The following COG5 variants were observed in gnomAD, a reference collection of about 807,000 sequenced individuals.
COG5 encodes conserved oligomeric Golgi complex subunit 5.
COG5 carries 86 observed loss-of-function variants against 110.4 expected under a neutral mutation model. The observed-to-expected ratio is 0.78, with a 90% confidence interval of 0.65 to 0.93. The LOEUF (loss-of-function observed/expected upper bound fraction) is 0.93. Among genes scored for constraint, COG5 ranks in the 40% least tolerant of loss-of-function variants. COG5 has a pLI of 0.00. For synonymous variants in COG5, 360 were observed against 334.6 expected, an observed-to-expected ratio of 1.08 and a Z score of -0.83; for missense variants, 1,077 against 987.0, an observed-to-expected ratio of 1.09 and a Z score of -1.22.
At chr7:107,342,368 C>CAAAA (rs796981383) in intron 10 of COG5, among the ~76,000 whole-genome samples, 1 of 97,774 alleles carries the variant, frequency 1.0e-5, no homozygotes, top group Non-Finnish European at 2.1e-5. Flanking sequence ...ACAAACAAAC[C>CAAAA]AAAAAAAAAA....
intron 10 of COG5, among the ~76,000 whole-genome samples, chr7:107,329,050 T>C (rs1243435081): frequency 1.3e-5 from 2 of 152,192 alleles, no homozygotes; most frequent in South Asian, 2.1e-4. Flanking sequence ...CTTTCCAGCT[T>C]GCCAACTACA....
At chr7:107,530,601 CAAAAAAAAAAAAA>C (rs953588412) in intron 5 of COG5, among the ~76,000 whole-genome samples, 3 of 47,768 alleles carry the variant, frequency 6.3e-5, no homozygotes, top group East Asian at 1.2e-3. Context: ...AACTCCATCT[CAAAAAAAAAAAAA>C]AAAAAAAAAA....
At chr7:107,482,841 AT>A (rs1797431552) in intron 6 of COG5, among the ~76,000 whole-genome samples, 1 of 152,188 alleles carries the variant, frequency 6.6e-6, no homozygotes, top group South Asian at 2.1e-4. Flanking sequence ...TACTCAATTA[AT>A]TATAAAATTG....
intron 5 of COG5, among the ~76,000 whole-genome samples, chr7:107,539,099 G>C (rs1035053058): frequency 6.6e-6 from 1 of 151,990 alleles, no homozygotes; most frequent in African/African-American, 2.4e-5. Flanking sequence ...GCAACATAGT[G>C]AGAGACACTG....
intron 6 of COG5, among the ~76,000 whole-genome samples, chr7:107,483,348 C>A (rs1261045480): frequency 6.6e-6 from 1 of 152,056 alleles, no homozygotes; most frequent in East Asian, 1.9e-4. Flanking sequence ...ATGAAACTAA[C>A]CTATCACAAC....
intron 21 of COG5, 108 bp downstream of exon 21, chr7:107,210,418 G>GCAGT (rs1193680699): frequency 8.6e-6 from 13 of 1,513,892 alleles, no homozygotes; most frequent in Non-Finnish European, 1.2e-5. Flanking sequence ...ACTGGAAGGT[G>GCAGT]CAGTCACATG....
chr7:107,213,546 C>T (rs1799319063), intron 19 of COG5, among the ~76,000 whole-genome samples: 1 of 152,162 alleles, frequency 6.6e-6, no homozygotes, highest in African/African-American at 2.4e-5. Context: ...GTGACGCTGC[C>T]AGATATTAGA....
At chr7:107,548,762 C>A (rs1462259803) in intron 3 of COG5, among the ~76,000 whole-genome samples, 2 of 152,176 alleles carry the variant, frequency 1.3e-5, no homozygotes, top group Admixed American at 1.3e-4. Flanking sequence ...ATCCCCTTTG[C>A]CCCATCACTC....
rs1584632943 is a variant in COG5 at position 107,293,870 on chromosome 7, G to A, written c.1313+4272C>T. ...ATGGATCACCTGAGGTCAGGAGTTCGAGACTAGCCTGGCCAAAATGGCGAA... is the reference window on the plus strand; with the variant it reads ...ATGGATCACCTGAGGTCAGGAGTTCAAGACTAGCCTGGCCAAAATGGCGAA... On this transcript the variant is annotated intron_variant, in intron 12 of 21. Coordinates refer to ENST00000297135, the MANE Select transcript of COG5 (RefSeq NM_006348.5). Among the ~76,000 whole-genome samples the A allele has an allele frequency of 2.6e-5, 4 of 152,138 alleles. 1 individual carries two copies. The South Asian group carries it at 6.2e-4, about 24-fold the overall frequency.
At chr7:107,422,241 A>G in intron 6 of COG5, among the ~76,000 whole-genome samples, 1 of 152,354 alleles carries the variant, frequency 6.6e-6, no homozygotes, top group Non-Finnish European at 1.5e-5. Context: ...TACTAATTAT[A>G]TAATAATATT....
At chr7:107,302,579 ACTT>A (rs1267303953) in intron 11 of COG5, among the ~76,000 whole-genome samples, 2 of 152,086 alleles carry the variant, frequency 1.3e-5, no homozygotes, top group East Asian at 1.9e-4. Context: ...CTCAGAGAAA[ACTT>A]CTTTGGCCTC....
At chr7:107,372,465 C>G in intron 8 of COG5, 130 bp downstream of exon 8, 1 of 857,554 alleles carries the variant, frequency 1.2e-6, no homozygotes, top group Non-Finnish European at 1.8e-6. Context: ...AACATAATTT[C>G]TTCTCTCATT....
chr7:107,554,748 T>C (rs1376103311), intron 2 of COG5, among the ~76,000 whole-genome samples: 1 of 152,174 alleles, frequency 6.6e-6, no homozygotes, highest in South Asian at 2.1e-4. Flanking sequence ...CTTCACATGG[T>C]GGAAGGGGCA....
chr7:107,424,033 G>A (rs1189341826), intron 6 of COG5, among the ~76,000 whole-genome samples: 3 of 152,138 alleles, frequency 2.0e-5, no homozygotes, highest in Admixed American at 6.5e-5. Flanking sequence ...GACACTTCTG[G>A]AGGCTGAGGC....
At chr7:107,308,477 T>C (rs1384079890) in intron 11 of COG5, among the ~76,000 whole-genome samples, 1 of 152,198 alleles carries the variant, frequency 6.6e-6, no homozygotes, top group Non-Finnish European at 1.5e-5. Flanking sequence ...TCTGAAGTGT[T>C]TGCCTTTTTA....
chr7:107,252,812 T>A (rs193242818), intron 16 of COG5, among the ~76,000 whole-genome samples: 6 of 152,258 alleles, frequency 3.9e-5, no homozygotes, highest in Non-Finnish European at 8.8e-5. Flanking sequence ...TAGAGCCATA[T>A]GATTATTTCA....
chr7:107,247,871 C>T (rs1325566815), intron 17 of COG5, among the ~76,000 whole-genome samples: 4 of 152,062 alleles, frequency 2.6e-5, no homozygotes, highest in East Asian at 3.9e-4. Flanking sequence ...ACATAACCTC[C>T]GAGGAAGAAA....
chr7:107,479,899 C>T (rs1417518185), intron 6 of COG5, among the ~76,000 whole-genome samples: 3 of 152,048 alleles, frequency 2.0e-5, no homozygotes, highest in African/African-American at 7.2e-5. Context: ...TAAAAATACA[C>T]AGTGAGAAAA....
chr7:107,239,949 C>G (rs1268600813), intron 17 of COG5, among the ~76,000 whole-genome samples: 1 of 152,148 alleles, frequency 6.6e-6, no homozygotes, highest in Non-Finnish European at 1.5e-5. Context: ...TGCCACTAAC[C>G]TTTTGTGTGA....
Sources: allele counts gnomAD v4.1 joint callset (sites outside exome capture counted in the v4.1 genomes callset), GRCh38; gene constraint gnomAD v4.1.1; transcripts MANE v1.5; gene names NCBI Gene and HGNC (gene_info 2026-07-23, HGNC 2026-07-21).